The following ATRNL1 variants were observed in gnomAD, a reference collection of about 807,000 sequenced individuals.
ATRNL1 encodes the protein attractin-like protein 1.
ATRNL1 carries 95 observed loss-of-function variants against 182.7 expected under a neutral mutation model. The observed-to-expected ratio is 0.52, with a 90% CI of 0.44 to 0.62. The LOEUF is 0.62. Ranked by LOEUF, ATRNL1 falls within the 20% of genes least tolerant of loss-of-function variation. ATRNL1 has a pLI of 0.00. For synonymous variants in ATRNL1, 576 were observed against 568.3 expected (o/e 1.01, Z -0.19); for missense variants, 1,471 against 1,679.5 (o/e 0.88, Z 2.17).
chr10:115,304,537 C>G (rs560508767), intron 17 of ATRNL1, among the ~76,000 whole-genome samples: 1 of 152,260 alleles, frequency 6.6e-6, no homozygotes, highest in Non-Finnish European at 1.5e-5. Flanking sequence ...CTTACAGAGA[C>G]AGAGGGATGG....
At chr10:115,293,034 C>T (rs1852994995) in intron 15 of ATRNL1, among the ~76,000 whole-genome samples, 1 of 152,068 alleles carries the variant, frequency 6.6e-6, no homozygotes, top group African/African-American at 2.4e-5. Context: ...TCTAAGTGCT[C>T]CAACATTGGG....
At chr10:115,855,421 T>C (rs1273609793) in intron 28 of ATRNL1, among the ~76,000 whole-genome samples, 1 of 152,234 alleles carries the variant, frequency 6.6e-6, no homozygotes, top group Non-Finnish European at 1.5e-5. Flanking sequence ...TTCTAACATA[T>C]ATCAGAGTTG....
rs61865213 is a variant in ATRNL1 at position 115,936,429 on chromosome 10, C to T, written c.4019-8229C>T. ...AAAGCAGTGCCTGGCATATAGTAGG[C>T]GCTCAAGAAACACTTGTTGAGTGAA... is the stretch of plus-strand genomic sequence containing the variant. On this transcript the variant is annotated intron_variant, in intron 28 of 28. Coordinates refer to ENST00000355044, the MANE Select transcript of ATRNL1 (RefSeq NM_207303.4). Among the ~76,000 whole-genome samples, 627 of 152,258 alleles carry T rather than the reference C, an allele frequency of 4.1e-3. 2 individuals carry two copies. Among genetic ancestry groups the T allele is most frequent in the South Asian group, 0.015 (71 of 4,828 alleles).
At chr10:115,187,130 G>C (rs1264182055) in intron 8 of ATRNL1, among the ~76,000 whole-genome samples, 1 of 151,556 alleles carries the variant, frequency 6.6e-6, no homozygotes, top group Non-Finnish European at 1.5e-5. Context: ...GTATTGGTGA[G>C]GATGTGGAAA....
chr10:115,335,296 G>A (rs968378074), intron 19 of ATRNL1, among the ~76,000 whole-genome samples: 3 of 152,040 alleles, frequency 2.0e-5, no homozygotes, highest in Admixed American at 1.3e-4. Context: ...ACAGAAATAC[G>A]TTTTTGGCTG....
At chr10:115,380,546 G>A (rs1373977996) in intron 19 of ATRNL1, among the ~76,000 whole-genome samples, 2 of 152,002 alleles carry the variant, frequency 1.3e-5, no homozygotes, top group Admixed American at 6.6e-5. Flanking sequence ...CCCTGCCTCT[G>A]GTAGCCCTGG....
chr10:115,152,279 G>T (rs1321253073), intron 5 of ATRNL1, among the ~76,000 whole-genome samples: 51 of 152,124 alleles, frequency 3.4e-4, no homozygotes, highest in African/African-American at 1.2e-3. Flanking sequence ...GATGGGGATG[G>T]CATTGAATCT....
chr10:115,847,323 G>A (rs2134354267), intron 27 of ATRNL1, among the ~76,000 whole-genome samples: 1 of 152,094 alleles, frequency 6.6e-6, no homozygotes, highest in Non-Finnish European at 1.5e-5. Flanking sequence ...TAATACTGTT[G>A]TATTGTATAC....
chr10:115,279,403 T>C (rs1442892769), intron 13 of ATRNL1, among the ~76,000 whole-genome samples: 4 of 152,124 alleles, frequency 2.6e-5, no homozygotes, highest in African/African-American at 9.7e-5. Flanking sequence ...TTTTAATCAA[T>C]TATCTTGTTT....
intron 28 of ATRNL1, among the ~76,000 whole-genome samples, chr10:115,922,213 T>C (rs1953087456): frequency 6.6e-6 from 1 of 152,308 alleles, no homozygotes; most frequent in African/African-American, 2.4e-5. Flanking sequence ...GAAAATATTT[T>C]TATTTTAATA....
chr10:115,603,325 G>A (rs544081069), intron 26 of ATRNL1, among the ~76,000 whole-genome samples: 5 of 151,976 alleles, frequency 3.3e-5, no homozygotes, highest in African/African-American at 1.2e-4. Context: ...TGCTAATATC[G>A]CCTGGGAAAT....
chr10:115,524,729 A>C (rs1851120921), intron 25 of ATRNL1, among the ~76,000 whole-genome samples: 1 of 152,196 alleles, frequency 6.6e-6, no homozygotes, highest in Non-Finnish European at 1.5e-5. Flanking sequence ...ACACTTAAAG[A>C]GTGGGGAAAT....
At chr10:115,575,953 T>C (rs1854680032) in intron 26 of ATRNL1, among the ~76,000 whole-genome samples, 1 of 152,130 alleles carries the variant, frequency 6.6e-6, no homozygotes, top group South Asian at 2.1e-4. Context: ...TGTATGTATT[T>C]GAACTTGTTT....
At chr10:115,644,114 G>A (rs1859447187) in intron 26 of ATRNL1, among the ~76,000 whole-genome samples, 1 of 152,002 alleles carries the variant, frequency 6.6e-6, no homozygotes, top group African/African-American at 2.4e-5. Context: ...TTTACACAAT[G>A]GAATGCTACC....
chr10:115,744,884 A>C (rs1948245446), intron 27 of ATRNL1, among the ~76,000 whole-genome samples: 1 of 152,186 alleles, frequency 6.6e-6, no homozygotes, highest in Non-Finnish European at 1.5e-5. Flanking sequence ...TAAGAAAAGT[A>C]ATATATCTTA....
chr10:115,718,107 A>G (rs1947313307), intron 26 of ATRNL1, among the ~76,000 whole-genome samples: 1 of 152,156 alleles, frequency 6.6e-6, no homozygotes, highest in African/African-American at 2.4e-5. Context: ...TGATTTCCCA[A>G]ATGGGAAGTT....
At chr10:115,180,665 C>T (rs1327617026) in intron 8 of ATRNL1, among the ~76,000 whole-genome samples, 2 of 151,896 alleles carry the variant, frequency 1.3e-5, no homozygotes, top group Non-Finnish European at 2.9e-5. Context: ...AAGCAACCTA[C>T]AGATCAAGGC....
At chr10:115,477,181 C>A (rs563409869) in intron 24 of ATRNL1, among the ~76,000 whole-genome samples, 78 of 151,458 alleles carry the variant, frequency 5.1e-4, no homozygotes, top group Non-Finnish European at 1.1e-3. Context: ...AACCCAAATT[C>A]TTTCTTCTCC....
intron 24 of ATRNL1, among the ~76,000 whole-genome samples, chr10:115,471,647 G>T (rs1017688418): frequency 1.3e-5 from 2 of 150,828 alleles, no homozygotes; most frequent in Admixed American, 6.7e-5. Context: ...TGTCTTCTGT[G>T]GAGAAATGTA....
Sources: allele counts gnomAD v4.1 joint callset (sites outside exome capture counted in the v4.1 genomes callset), GRCh38; gene constraint gnomAD v4.1.1; transcripts MANE v1.5; gene names NCBI Gene and HGNC (gene_info 2026-07-23, HGNC 2026-07-21).